Variants in CSMD1 observed in about 807,000 individuals in gnomAD.
The protein encoded by CSMD1 is CUB and Sushi multiple domains 1.
In CSMD1, 213 loss-of-function variants were observed where a neutral mutation model predicts 417.5. The ratio of observed to expected loss-of-function variants is 0.51; its 90% confidence interval spans 0.46 to 0.57. CSMD1 has a LOEUF of 0.57. Among genes scored for constraint, CSMD1 ranks in the 20% least tolerant of loss-of-function variants. The pLI is 0.00. For synonymous variants in CSMD1, 2,862 were observed against 1,736.8 expected (o/e 1.65, Z -16.11); for missense variants, 6,923 against 4,529.7 (o/e 1.53, Z -15.17).
At chr8:3,986,007 C>G (rs754464870) in intron 5 of CSMD1, among the ~76,000 whole-genome samples, 1 of 152,056 alleles carries the variant, frequency 6.6e-6, no homozygotes, top group East Asian at 1.9e-4. Flanking sequence ...GCCCCACCCA[C>G]TCCCCTGCTT....
In CSMD1 at chr8:4,428,121, G is replaced by C. The variant is rs534330611; in HGVS notation, c.303-8056C>G. Among the ~76,000 whole-genome samples, 250 of 152,276 alleles carry C rather than the reference G, an allele frequency of 1.6e-3. 1 individual carries two copies. Among genetic ancestry groups the C allele is most frequent in the African/African-American group, 5.8e-3 (240 of 41,562 alleles). ...TGAATGGGATACATCTCTGATGCCT[G>C]TTTTCCTCCTCTCCAAAGCACCCAC... On this transcript the variant is annotated intron_variant, in intron 2 of 69. Coordinates refer to ENST00000635120, the MANE Select transcript of CSMD1 (RefSeq NM_033225.6).
chr8:4,105,787 G>T (rs138420058), intron 3 of CSMD1, among the ~76,000 whole-genome samples: 16 of 152,258 alleles, frequency 1.1e-4, no homozygotes, highest in Admixed American at 7.2e-4. Context: ...CCTCTACAGC[G>T]TTGAAAAGTG....
At chr8:4,596,912 G>A (rs993990426) in intron 2 of CSMD1, among the ~76,000 whole-genome samples, 9 of 152,152 alleles carry the variant, frequency 5.9e-5, no homozygotes, top group African/African-American at 2.2e-4. Context: ...AAGATCTGAT[G>A]GGTTTATCAG....
intron 3 of CSMD1, among the ~76,000 whole-genome samples, chr8:4,415,694 G>T (rs1391761021): frequency 6.6e-6 from 1 of 152,170 alleles, no homozygotes; most frequent in Non-Finnish European, 1.5e-5. Flanking sequence ...CCCCGTGAAT[G>T]CTGATTAAAT....
chr8:3,474,043 T>C (rs1465367910), intron 11 of CSMD1, among the ~76,000 whole-genome samples: 1 of 151,602 alleles, frequency 6.6e-6, no homozygotes, highest in Non-Finnish European at 1.5e-5. Flanking sequence ...TCCAAACACC[T>C]CCCTCAACAC....
At chr8:3,658,642 G>C (rs1010905876) in intron 7 of CSMD1, among the ~76,000 whole-genome samples, 1 of 151,830 alleles carries the variant, frequency 6.6e-6, no homozygotes, top group Non-Finnish European at 1.5e-5. Context: ...AATCAGTTGG[G>C]CGTGGTGGTG....
intron 3 of CSMD1, among the ~76,000 whole-genome samples, chr8:4,158,121 C>A (rs1022213184): frequency 1.4e-4 from 21 of 151,064 alleles, no homozygotes; most frequent in Admixed American, 1.1e-3. Flanking sequence ...AGCTTAAGAT[C>A]CCTGCAGTCC....
At position 3,382,497 on chromosome 8, in the gene CSMD1, G is replaced by GTACATAAATTTATATA. The variant is rs1436794458; in HGVS notation, c.2782+4996_2782+4997insTATATAAATTTATGTA. Among the ~76,000 whole-genome samples the GTACATAAATTTATATA allele has an allele frequency of 1.3e-3, 58 of 45,230 alleles. No homozygotes were observed. The East Asian group carries it at 0.017, about 14-fold the overall frequency. 29.7% of individuals were successfully genotyped at this position (45,230 alleles called of 152,430 possible). A position where few individuals can be genotyped will look rare whatever the true frequency, so the allele number is the denominator to read the frequency against. On this transcript the variant is annotated intron_variant, in intron 18 of 69. Coordinates refer to ENST00000635120, the MANE Select transcript of CSMD1 (RefSeq NM_033225.6). ...ATAATCTATATATTTAATTAGTTAT[G>GTACATAAATTTATATA]TATATAAATTTATATATATATAAAT... is the stretch of plus-strand genomic sequence containing the variant.
At chr8:4,267,568 G>T (rs1207753206) in intron 3 of CSMD1, among the ~76,000 whole-genome samples, 1 of 151,832 alleles carries the variant, frequency 6.6e-6, no homozygotes, top group African/African-American at 2.4e-5. Flanking sequence ...AATGGTCACT[G>T]ACACAATAAG....
chr8:3,444,791 G>C (rs1815199841), intron 12 of CSMD1, among the ~76,000 whole-genome samples: 1 of 152,142 alleles, frequency 6.6e-6, no homozygotes, highest in Non-Finnish European at 1.5e-5. Context: ...TTTGCCACCA[G>C]ACAACCAAAT....
chr8:4,082,384 G>A (rs964693038), intron 3 of CSMD1, among the ~76,000 whole-genome samples: 15 of 152,064 alleles, frequency 9.9e-5, no homozygotes, highest in Admixed American at 2.6e-4. Flanking sequence ...GTTCTGCCGA[G>A]CATTTAAAAA....
Position 4,825,185 on chromosome 8 carries a change from T to G in CSMD1, c.85+169147A>C, listed in dbSNP as rs192062765. Among the ~76,000 whole-genome samples the G allele has an allele frequency of 9.2e-5, 14 of 152,232 alleles. No homozygotes were observed. In the East Asian group the frequency reaches 2.7e-3, roughly 29 times the overall value. ...GATAAATGTGACTTATCTGACATTT[T>G]TGAAGAGATGTAATCAATATTCAAA... On this transcript the variant is annotated intron_variant, in intron 1 of 69. Transcript: ENST00000635120.
intron 1 of CSMD1, among the ~76,000 whole-genome samples, chr8:4,944,378 G>A (rs118064829): frequency 2.0e-5 from 3 of 152,276 alleles, no homozygotes; most frequent in East Asian, 3.9e-4. Context: ...CAGCAAAAAT[G>A]CTCAACACAC....
At chr8:3,381,637 T>C (rs906421786) in intron 18 of CSMD1, among the ~76,000 whole-genome samples, 12 of 152,326 alleles carry the variant, frequency 7.9e-5, no homozygotes, top group Admixed American at 4.6e-4. Context: ...TAGCCAGTAG[T>C]TATCATCCTT....
intron 3 of CSMD1, among the ~76,000 whole-genome samples, chr8:4,042,649 TG>T (rs2130643896): frequency 6.6e-6 from 1 of 151,806 alleles, no homozygotes; most frequent in South Asian, 2.1e-4. Context: ...TTTAAAAATC[TG>T]TTTAAAACAC....
intron 2 of CSMD1, among the ~76,000 whole-genome samples, chr8:4,620,608 C>A (rs1448337023): frequency 6.6e-6 from 1 of 151,824 alleles, no homozygotes; most frequent in Non-Finnish European, 1.5e-5. Context: ...AGAAATAAGA[C>A]TGCTTGAAAA....
chr8:3,142,500 G>C lies in CSMD1; in HGVS notation c.6206C>G (p.Ser2069Trp), dbSNP rs755657382. 1 of 1,613,918 alleles carries C rather than the reference G, an allele frequency of 6.2e-7. No individual in the cohort carries two copies. Among genetic ancestry groups the C allele is most frequent in the Non-Finnish European group, 8.5e-7 (1 of 1,179,870 alleles). Residue 2069 changes from serine to tryptophan, a missense_variant, in exon 41 of 70, where the codon TCG (serine) becomes TGG (tryptophan). Coordinates refer to ENST00000635120, the MANE Select transcript of CSMD1 (RefSeq NM_033225.6). ...AAGTTTAAATCCTTGCCGGTTTTGCGAATGGTCACTATAAAAGTGGATGAG... is the reference window on the plus strand; with the variant it reads ...AAGTTTAAATCCTTGCCGGTTTTGCCAATGGTCACTATAAAAGTGGATGAG... ...ETLIHFYSDH[S>W]QNRQGFKLAY...
chr8:4,803,116 G>T (rs909298154), intron 1 of CSMD1, among the ~76,000 whole-genome samples: 3 of 152,080 alleles, frequency 2.0e-5, no homozygotes, highest in Non-Finnish European at 2.9e-5. Context: ...AAAAGATCAT[G>T]TATATGATTT....
At chr8:3,646,174 GAACA>G (rs956726355) in intron 7 of CSMD1, among the ~76,000 whole-genome samples, 1 of 151,678 alleles carries the variant, frequency 6.6e-6, no homozygotes, top group Non-Finnish European at 1.5e-5. Flanking sequence ...TGAAAAAGGT[GAACA>G]AAAATAGTGA....
Sources: allele counts gnomAD v4.1 joint callset (sites outside exome capture counted in the v4.1 genomes callset), GRCh38; gene constraint gnomAD v4.1.1; transcripts MANE v1.5; gene names NCBI Gene and HGNC (gene_info 2026-07-23, HGNC 2026-07-21).